Variants in PTPRT observed in about 807,000 individuals in gnomAD.
PTPRT encodes receptor-type tyrosine-protein phosphatase T.
A neutral mutation model predicts 176.8 loss-of-function variants in PTPRT; 56 were observed. The ratio of observed to expected loss-of-function variants is 0.32; its 90% CI spans 0.26 to 0.40. PTPRT has a LOEUF of 0.40. Ranked by LOEUF, PTPRT falls within the 10% of genes least tolerant of loss-of-function variation. The pLI, the probability that PTPRT is intolerant of heterozygous loss-of-function variation, is 1.00. For synonymous variants in PTPRT, 783 were observed against 739.0 expected (o/e 1.06, Z -0.96); for missense variants, 1,540 against 1,908.2 (o/e 0.81, Z 3.60).
chr20:42,231,407 A>T (rs2056132505), intron 15 of PTPRT, among the ~76,000 whole-genome samples: 1 of 152,230 alleles, frequency 6.6e-6, no homozygotes, highest in Non-Finnish European at 1.5e-5. Flanking sequence ...CAGTCTTAAC[A>T]TCTAAATAAA....
chr20:42,965,794 G>A (rs145716548), intron 1 of PTPRT, among the ~76,000 whole-genome samples: 2 of 152,232 alleles, frequency 1.3e-5, no homozygotes, highest in East Asian at 1.9e-4. Flanking sequence ...AATCCCAAAC[G>A]ATACCCCCAT....
At chr20:42,371,863 C>T (rs1309844264) in intron 9 of PTPRT, among the ~76,000 whole-genome samples, 2 of 152,158 alleles carry the variant, frequency 1.3e-5, no homozygotes, top group Non-Finnish European at 2.9e-5. Flanking sequence ...TACCCCTGTC[C>T]AGTTGAACTA....
At chr20:42,987,267 C>A (rs990779790) in intron 1 of PTPRT, among the ~76,000 whole-genome samples, 12 of 152,328 alleles carry the variant, frequency 7.9e-5, no homozygotes, top group African/African-American at 2.9e-4. Context: ...AGGGTGCCTA[C>A]TGGCCACATG....
chr20:42,125,178 T>C (rs541581184), intron 19 of PTPRT, among the ~76,000 whole-genome samples: 1 of 152,326 alleles, frequency 6.6e-6, no homozygotes, highest in South Asian at 2.1e-4. Flanking sequence ...TACTGGTTTC[T>C]CTTAATCCTG....
Position 42,780,315 on chromosome 20 carries a change from C to A in PTPRT, c.487-16G>T, listed in dbSNP as rs373614486. The A allele has an allele frequency of 7.5e-6, 12 of 1,604,602 alleles. No homozygotes were observed. The highest frequency in any genetic ancestry group is 1.0e-5 in the Non-Finnish European group (12 of 1,171,596). On this transcript the variant is annotated splice_polypyrimidine_tract_variant and intron_variant, in intron 3 of 30. Coordinates refer to ENST00000373187, the MANE Select transcript of PTPRT (RefSeq NM_007050.6). ...CAAATATCACCTGCAACACACAGGGCGGGAGTCAATTTCACAGAAACAGTT... is the reference window on the plus strand; with the variant it reads ...CAAATATCACCTGCAACACACAGGGAGGGAGTCAATTTCACAGAAACAGTT...
At chr20:42,630,093 C>T (rs1386252390) in intron 7 of PTPRT, among the ~76,000 whole-genome samples, 1 of 152,108 alleles carries the variant, frequency 6.6e-6, no homozygotes, top group African/African-American at 2.4e-5. Context: ...TCAGTGTAAT[C>T]ACAAGTGTCC....
chr20:43,162,770 G>A (rs1179827640), intron 1 of PTPRT, among the ~76,000 whole-genome samples: 2 of 126,646 alleles, frequency 1.6e-5, no homozygotes, highest in Admixed American at 8.7e-5. Flanking sequence ...ATGATGACCC[G>A]CTGGACAGCA....
intron 1 of PTPRT, among the ~76,000 whole-genome samples, chr20:43,015,990 C>G (rs1055590568): frequency 1.4e-4 from 21 of 152,172 alleles, no homozygotes; most frequent in African/African-American, 4.8e-4. Context: ...GACATGTCCC[C>G]TCTCTCAGAA....
chr20:43,154,452 T>G lies in PTPRT; in HGVS notation c.88+35194A>C, dbSNP rs1382423324. Among the ~76,000 whole-genome samples the G allele has an allele frequency of 3.3e-5, 5 of 152,264 alleles. No homozygotes were observed. In the East Asian group the frequency reaches 9.6e-4, roughly 29 times the overall value. On this transcript the variant is annotated intron_variant, in intron 1 of 30. Coordinates refer to ENST00000373187, the MANE Select transcript of PTPRT (RefSeq NM_007050.6). The stretch of plus-strand genomic sequence containing the variant: ...TACAGTATTTTGAAGTCAGGTAGTG[T>G]GATGCCTCCAGCTTTGTTATTTTTG...
intron 2 of PTPRT, among the ~76,000 whole-genome samples, chr20:42,826,735 T>C (rs1466828926): frequency 1.3e-5 from 2 of 152,178 alleles, no homozygotes; most frequent in Non-Finnish European, 2.9e-5. Flanking sequence ...ATGGGCTAAA[T>C]GTTCCACTTA....
At chr20:42,694,562 T>C (rs1209922123) in intron 6 of PTPRT, among the ~76,000 whole-genome samples, 1 of 152,160 alleles carries the variant, frequency 6.6e-6, no homozygotes, top group East Asian at 1.9e-4. Context: ...CTGGGGTAAA[T>C]TCCTTGGAGT....
intron 1 of PTPRT, among the ~76,000 whole-genome samples, chr20:43,079,173 T>TCC (rs1372624200): frequency 5.4e-5 from 3 of 55,764 alleles, no homozygotes; most frequent in African/African-American, 2.5e-4. Flanking sequence ...TCTCTCTCTC[T>TCC]CCCTCCCCCC....
chr20:42,727,573 G>T lies in PTPRT; in HGVS notation c.859+28889C>A, dbSNP rs141745022. ...TGTGTCCGTGAGTGCCTAGAGCATT[G>T]CAGGTATCCAGTGAATGCTTGCAGG... On this transcript the variant is annotated intron_variant, in intron 6 of 30. Transcript: ENST00000373187. 1.0e-3 allele frequency among the ~76,000 whole-genome samples: 157 copies of T among 152,306 alleles called. 1 individual carries two copies. Among genetic ancestry groups the T allele is most frequent in the African/African-American group, 3.7e-3 (155 of 41,554 alleles).
At chr20:42,232,373 T>C (rs542771106) in intron 15 of PTPRT, among the ~76,000 whole-genome samples, 3 of 152,328 alleles carry the variant, frequency 2.0e-5, no homozygotes, top group African/African-American at 7.2e-5. Flanking sequence ...AACATGCATA[T>C]GAATCACCTG....
intron 6 of PTPRT, among the ~76,000 whole-genome samples, chr20:42,684,442 A>G (rs7268336): frequency 0.068 from 10,334 of 152,234 alleles, 1,102 homozygotes; most frequent in African/African-American, 0.23. Context: ...AAAATATTTG[A>G]TAAGTTTTCC....
intron 9 of PTPRT, among the ~76,000 whole-genome samples, chr20:42,371,280 T>C (rs76670477): frequency 0.012 from 1,838 of 152,270 alleles, 35 homozygotes; most frequent in African/African-American, 0.042. Flanking sequence ...GTGCCAACAT[T>C]TTCTTTGTGA....
At chr20:42,210,991 G>A (rs368080994) in intron 15 of PTPRT, among the ~76,000 whole-genome samples, 78 of 151,682 alleles carry the variant, frequency 5.1e-4, no homozygotes, top group East Asian at 1.8e-3. Flanking sequence ...AAATAACGCC[G>A]CATATCTACA....
chr20:42,858,157 T>G (rs746084941), intron 2 of PTPRT, among the ~76,000 whole-genome samples: 1 of 152,202 alleles, frequency 6.6e-6, no homozygotes, highest in Non-Finnish European at 1.5e-5. Flanking sequence ...TGGGGCAGAC[T>G]GAGATTTACC....
chr20:42,387,794 T>TC (rs1443934146), intron 9 of PTPRT, among the ~76,000 whole-genome samples: 1 of 126,834 alleles, frequency 7.9e-6, no homozygotes, highest in East Asian at 2.1e-4. Context: ...CTAATATTCT[T>TC]TTTTTTTTTT....
Sources: allele counts gnomAD v4.1 joint callset (sites outside exome capture counted in the v4.1 genomes callset), GRCh38; gene constraint gnomAD v4.1.1; transcripts MANE v1.5; gene names NCBI Gene and HGNC (gene_info 2026-07-23, HGNC 2026-07-21).